SRGAP2C: variants seen among roughly 807,000 people sequenced by gnomAD.
SRGAP2C encodes SLIT-ROBO Rho GTPase-activating protein 2C.
In SRGAP2C, 15 loss-of-function variants were observed where a neutral mutation model predicts 25.1. That is an observed-to-expected ratio of 0.60 (90% CI 0.40 to 0.92). The LOEUF (loss-of-function observed/expected upper bound fraction) is 0.92, where lower values mean the gene tolerates loss of function less well. Ranked by LOEUF, SRGAP2C falls within the 40% of genes least tolerant of loss-of-function variation. The probability of loss-of-function intolerance (pLI) is 0.00; values close to 1 mark genes in which losing one functional copy is unlikely to be tolerated. For synonymous variants in SRGAP2C, 44 were observed against 96.6 expected (o/e 0.46, Z 3.19); for missense variants, 144 against 264.4 (o/e 0.54, Z 3.16).
At chr1:121,233,233 G>A (rs1420242136) in intron 2 of SRGAP2C, among the ~76,000 whole-genome samples, 4 of 81,676 alleles carry the variant, frequency 4.9e-5, no homozygotes, top group Admixed American at 1.5e-4. Flanking sequence ...TGCAGCCTCC[G>A]CCTCCTGGAT....
chr1:121,215,982 T>G (rs1363574793), intron 2 of SRGAP2C, among the ~76,000 whole-genome samples: 7 of 152,106 alleles, frequency 4.6e-5, no homozygotes, highest in African/African-American at 9.7e-5. Context: ...CTCAGCTTGA[T>G]GAGTCCTTGA....
chr1:121,330,290 G>A (rs1403003304), intron 4 of SRGAP2C, among the ~76,000 whole-genome samples: 1 of 150,978 alleles, frequency 6.6e-6, no homozygotes, highest in Non-Finnish European at 1.5e-5. Flanking sequence ...AGTTCAGACA[G>A]TGCTAAGGCT....
At chr1:121,236,638 C>G (rs1435119959) in intron 2 of SRGAP2C, among the ~76,000 whole-genome samples, 2 of 152,212 alleles carry the variant, frequency 1.3e-5, no homozygotes, top group East Asian at 3.9e-4. Context: ...TTCCTGGGTT[C>G]TAAAGAATCC....
In SRGAP2C at chr1:121,271,509, A is replaced by G. The variant is rs148737347; in HGVS notation, c.68-13294A>G. On this transcript the variant is annotated intron_variant, in intron 2 of 9. Coordinates refer to ENST00000367123, the MANE Select transcript of SRGAP2C (RefSeq NM_001329984.2). ...TGAAACTTAGGCCCTTTCTGATTTA[A>G]TAATAGCCCATGAAGAAGGAGCTGA... Among the ~76,000 whole-genome samples, 23 of 152,048 alleles carry G rather than the reference A, an allele frequency of 1.5e-4. No homozygotes were observed. The East Asian group carries it at 3.7e-3, about 24-fold the overall frequency.
intron 2 of SRGAP2C, among the ~76,000 whole-genome samples, chr1:121,272,370 T>C (rs1553335404): frequency 2.0e-5 from 3 of 151,648 alleles, no homozygotes. Flanking sequence ...GTGGTGGAGC[T>C]GGCATTTTGA....
intron 3 of SRGAP2C, among the ~76,000 whole-genome samples, chr1:121,320,983 T>C (rs1369695373): frequency 6.6e-6 from 1 of 152,200 alleles, no homozygotes; most frequent in African/African-American, 2.4e-5. Context: ...TAGGCTCACC[T>C]GTACAGCTTT....
intron 2 of SRGAP2C, among the ~76,000 whole-genome samples, chr1:121,239,260 A>G: frequency 3.2e-3 from 6 of 1,882 alleles, no homozygotes; most frequent in Non-Finnish European, 4.3e-3. Flanking sequence ...ATATATATAT[A>G]TATATACTAT....
intron 2 of SRGAP2C, among the ~76,000 whole-genome samples, chr1:121,226,001 G>A (rs1195807544): frequency 1.1e-4 from 16 of 151,236 alleles, no homozygotes; most frequent in Admixed American, 8.6e-4. Context: ...CACCACGCCC[G>A]GCAAAACAGC....
chr1:121,336,022 G>A (rs1343392093), intron 4 of SRGAP2C, among the ~76,000 whole-genome samples: 15 of 150,870 alleles, frequency 9.9e-5, no homozygotes, highest in Non-Finnish European at 1.9e-4. Context: ...TTTTGGTTTT[G>A]CCCTTCGTCT....
chr1:121,254,834 C>T (rs1281229583), intron 2 of SRGAP2C, among the ~76,000 whole-genome samples: 5 of 151,676 alleles, frequency 3.3e-5, no homozygotes, highest in Non-Finnish European at 5.9e-5. Flanking sequence ...GTGTACCAGA[C>T]TGTACAGGAG....
Position 121,301,028 on chromosome 1 carries a change from C to A in SRGAP2C, c.260+16033C>A, listed in dbSNP as rs1296507868. Among the ~76,000 whole-genome samples, 3 of 71,936 alleles carry A rather than the reference C, an allele frequency of 4.2e-5. 1 individual carries two copies. Among genetic ancestry groups the A allele is most frequent in the Admixed American group, 4.0e-4 (3 of 7,430 alleles). 47.2% of individuals were successfully genotyped at this position (71,936 alleles called of 152,430 possible). ...CTGCACTCCAGCCTGGGTGACAGAG[C>A]GAGACTCCATCTCAAAAAAAAACAA... On this transcript the variant is annotated intron_variant, in intron 3 of 9. Coordinates refer to ENST00000367123, the MANE Select transcript of SRGAP2C (RefSeq NM_001329984.2).
chr1:121,297,550 A>G (rs1485679361), intron 3 of SRGAP2C, among the ~76,000 whole-genome samples: 1 of 148,374 alleles, frequency 6.7e-6, no homozygotes, highest in Non-Finnish European at 1.5e-5. Flanking sequence ...TATAATGTAT[A>G]TACAGCACTA....
chr1:121,372,046 T>G (rs1553351309), intron 5 of SRGAP2C, among the ~76,000 whole-genome samples: 2 of 152,152 alleles, frequency 1.3e-5, no homozygotes, highest in African/African-American at 4.8e-5. Context: ...TTGTTAAGTA[T>G]TTTTTCTTCT....
At chr1:121,221,792 C>A (rs1355524657) in intron 2 of SRGAP2C, among the ~76,000 whole-genome samples, 3 of 141,358 alleles carry the variant, frequency 2.1e-5, no homozygotes, top group Admixed American at 2.1e-4. Flanking sequence ...TTGGCCAACT[C>A]AGGAATTCTA....
rs1422258241 is a variant in SRGAP2C at position 121,391,715 on chromosome 1, C to A, written c.*3860C>A. Reference sequence around the variant, plus strand: ...GAAAATTTAAAACCACAAAACATTACTGTGTTTGTAGGGGGAGGTCTGATT... The same window carrying A: ...GAAAATTTAAAACCACAAAACATTAATGTGTTTGTAGGGGGAGGTCTGATT... On this transcript the variant is annotated 3_prime_UTR_variant, in exon 10 of 10. Transcript: ENST00000367123. 1 of 152,274 alleles carries A rather than the reference C, an allele frequency of 6.6e-6. No individual in the cohort carries two copies. The highest frequency in any genetic ancestry group is 1.5e-5 in the Non-Finnish European group (1 of 68,056). The allele number at this position is 152,274 out of a possible 1,614,324, so 9.4% of individuals were successfully genotyped here. A position where few individuals can be genotyped will look rare whatever the true frequency, so the allele number is the denominator to read the frequency against.
intron 2 of SRGAP2C, among the ~76,000 whole-genome samples, chr1:121,284,088 C>T (rs1393746016): frequency 6.6e-6 from 1 of 151,960 alleles, no homozygotes; most frequent in African/African-American, 2.4e-5. Context: ...CTTTCCAAGT[C>T]TTCTTAAAAA....
At chr1:121,278,237 G>A (rs1657158702) in intron 2 of SRGAP2C, among the ~76,000 whole-genome samples, 1 of 151,818 alleles carries the variant, frequency 6.6e-6, no homozygotes, top group South Asian at 2.1e-4. Flanking sequence ...GTGAGCCACT[G>A]TGCCTGGCCT....
rs1396846423 is a variant in SRGAP2C, at chr1:121,300,241, G to C, written c.260+15246G>C. Among the ~76,000 whole-genome samples the C allele has an allele frequency of 8.8e-4, 75 of 85,330 alleles. 21 individuals are homozygous for C. The highest frequency in any genetic ancestry group is 3.3e-3 in the African/African-American group (72 of 21,628). The allele number at this position is 85,330 out of a possible 152,430, so 56.0% of individuals were successfully genotyped here. A position where few individuals can be genotyped will look rare whatever the true frequency, so the allele number is the denominator to read the frequency against. ...CAGAAAAAAGGTTTGATTGGCTCAT[G>C]GTTCTGCAGGCTGTACAGGAGGCAT... On this transcript the variant is annotated intron_variant, in intron 3 of 9. Coordinates refer to ENST00000367123, the MANE Select transcript of SRGAP2C (RefSeq NM_001329984.2).
chr1:121,324,438 G>A (rs1553341475), intron 3 of SRGAP2C, 40 bp from the exon 4 acceptor site: 165 of 1,603,122 alleles, frequency 1.0e-4, no homozygotes, highest in Non-Finnish European at 1.3e-4. Context: ...CCCTGGCTGT[G>A]TATCAACAAT....
Sources: gnomAD v4.1 joint callset for allele counts (sites outside exome capture counted in the v4.1 genomes callset) on GRCh38, gnomAD v4.1.1 for gene constraint, MANE v1.5 for transcripts, NCBI Gene and HGNC (gene_info 2026-07-23, HGNC 2026-07-21) for gene names.